KCNH7: variants seen among roughly 807,000 people sequenced by gnomAD.
The protein encoded by KCNH7 is voltage-gated inwardly rectifying potassium channel KCNH7.
Under a neutral mutation model 120.8 loss-of-function variants are expected in KCNH7, and 49 were observed. The observed-to-expected ratio is 0.41, with a 90% confidence interval of 0.32 to 0.51. The LOEUF is 0.51. Among genes scored for constraint, KCNH7 ranks in the 20% least tolerant of loss-of-function variants. KCNH7 has a pLI of 0.38. For missense variants in KCNH7, 1,097 were observed against 1,446.6 expected (o/e 0.76, Z 3.92); for synonymous variants, 547 against 516.1 (o/e 1.06, Z -0.81).
chr2:162,634,648 C>T (rs184187400), intron 2 of KCNH7, among the ~76,000 whole-genome samples: 5 of 152,004 alleles, frequency 3.3e-5, no homozygotes, highest in East Asian at 1.9e-4. Flanking sequence ...GGAATGTCTC[C>T]GCGGTTCCAG....
chr2:162,395,236 T>C, intron 11 of KCNH7, among the ~76,000 whole-genome samples: 1 of 151,818 alleles, frequency 6.6e-6, no homozygotes, highest in East Asian at 1.9e-4. Context: ...TGTTCTGAAT[T>C]CCCATGTTGT....
Position 162,487,595 on chromosome 2 carries a change from T to C in KCNH7, c.1128+16848A>G, listed in dbSNP as rs187124043. ...TTTGAATTTTAAAATCCTGTGAAGA[T>C]GAAATGCTTTTTAATGAACTCTTTA... On this transcript the variant is annotated intron_variant, in intron 6 of 15. Coordinates refer to ENST00000332142, the MANE Select transcript of KCNH7 (RefSeq NM_033272.4). Among the ~76,000 whole-genome samples the C allele has an allele frequency of 2.1e-4, 32 of 152,280 alleles. No homozygotes were observed. In the East Asian group the frequency reaches 6.0e-3, roughly 28 times the overall value.
intron 2 of KCNH7, among the ~76,000 whole-genome samples, chr2:162,789,657 C>A (rs867745452): frequency 6.6e-6 from 1 of 151,800 alleles, no homozygotes; most frequent in African/African-American, 2.4e-5. Context: ...TGTCTAGGAT[C>A]TTTCATGAAC....
At chr2:162,539,896 A>G (rs139083343) in intron 2 of KCNH7, among the ~76,000 whole-genome samples, 1,666 of 152,248 alleles carry the variant, frequency 0.011, 14 homozygotes, top group South Asian at 0.019. Flanking sequence ...AGAATAGAAT[A>G]TATTTTATAG....
intron 5 of KCNH7, among the ~76,000 whole-genome samples, chr2:162,511,862 T>A (rs1431917943): frequency 6.6e-6 from 1 of 151,686 alleles, no homozygotes; most frequent in African/African-American, 2.4e-5. Flanking sequence ...TAAGTCACAA[T>A]CACCATTTGC....
chr2:162,779,813 C>A (rs907080995), intron 2 of KCNH7, among the ~76,000 whole-genome samples: 12 of 152,106 alleles, frequency 7.9e-5, no homozygotes, highest in Non-Finnish European at 1.5e-4. Context: ...TTGTACATAA[C>A]CACTGGACAC....
chr2:162,829,161 G>A (rs371827960), intron 2 of KCNH7, among the ~76,000 whole-genome samples: 5 of 152,176 alleles, frequency 3.3e-5, no homozygotes, highest in East Asian at 1.9e-4. Context: ...GTAATAAGAC[G>A]TATTTCCTCA....
intron 2 of KCNH7, among the ~76,000 whole-genome samples, chr2:162,648,358 A>G (rs780760158): frequency 6.6e-6 from 1 of 152,170 alleles, no homozygotes; most frequent in Non-Finnish European, 1.5e-5. Context: ...CTATCATGAG[A>G]ACAGGAAAGG....
chr2:162,533,697 G>A (rs1320285133), intron 3 of KCNH7, among the ~76,000 whole-genome samples: 1 of 151,466 alleles, frequency 6.6e-6, no homozygotes, highest in Non-Finnish European at 1.5e-5. Context: ...GCAAGAGAGA[G>A]AATGAAAAAT....
intron 2 of KCNH7, among the ~76,000 whole-genome samples, chr2:162,563,547 G>A (rs1693146922): frequency 6.6e-6 from 1 of 152,084 alleles, no homozygotes; most frequent in Non-Finnish European, 1.5e-5. Context: ...ATCAGATAAA[G>A]AATGCCTTTG....
intron 2 of KCNH7, among the ~76,000 whole-genome samples, chr2:162,554,224 T>C (rs1314297663): frequency 6.6e-6 from 1 of 152,194 alleles, no homozygotes; most frequent in East Asian, 1.9e-4. Flanking sequence ...GACAACATAT[T>C]GGGCATGTTT....
intron 2 of KCNH7, among the ~76,000 whole-genome samples, chr2:162,789,247 G>T (rs1267406867): frequency 6.6e-6 from 1 of 151,916 alleles, no homozygotes; most frequent in Non-Finnish European, 1.5e-5. Context: ...GTGGTGTGTA[G>T]ATCATGTTTG....
chr2:162,568,795 T>A (rs185829296), intron 2 of KCNH7, among the ~76,000 whole-genome samples: 1 of 152,138 alleles, frequency 6.6e-6, no homozygotes, highest in Admixed American at 6.6e-5. Context: ...TTCATATTTT[T>A]TCTCAGATAT....
intron 2 of KCNH7, among the ~76,000 whole-genome samples, chr2:162,607,438 T>C (rs1447414762): frequency 6.6e-6 from 1 of 151,864 alleles, no homozygotes; most frequent in Non-Finnish European, 1.5e-5. Flanking sequence ...CTATGAATAG[T>C]GATTATTTGT....
chr2:162,400,897 A>C (rs1393884664), intron 9 of KCNH7, among the ~76,000 whole-genome samples: 1 of 151,928 alleles, frequency 6.6e-6, no homozygotes, highest in Non-Finnish European at 1.5e-5. Context: ...ATTAGTAAAA[A>C]TGTTGACCCT....
chr2:162,419,699 C>T (rs1322401265), intron 9 of KCNH7, among the ~76,000 whole-genome samples: 2 of 152,048 alleles, frequency 1.3e-5, no homozygotes, highest in African/African-American at 4.8e-5. Flanking sequence ...TTAGGAGTAG[C>T]CTCTGCCCTA....
Position 162,468,147 on chromosome 2 carries a change from G to A in KCNH7, c.1129-21704C>T, listed in dbSNP as rs564727727. Among the ~76,000 whole-genome samples, 8 of 152,194 alleles carry A rather than the reference G, an allele frequency of 5.3e-5. No homozygotes were observed. The South Asian group carries it at 6.2e-4, about 12-fold the overall frequency. On this transcript the variant is annotated intron_variant, in intron 6 of 15. Coordinates refer to ENST00000332142, the MANE Select transcript of KCNH7 (RefSeq NM_033272.4). ...ATCTGGGAGTAGTCATCCTGGCACT[G>A]GTGGGCTCAGCAGTGGCTCCACTTT...
rs774773189 is a variant in KCNH7 at position 162,750,749 on chromosome 2, T to G, written c.307+85788A>C. The stretch of plus-strand genomic sequence containing the variant: ...TTTAAATTGTGTTTGACAGGTTTTT[T>G]GGGTGCATGGAAGAATGTCTCACCT... On this transcript the variant is annotated intron_variant, in intron 2 of 15. Transcript: ENST00000332142. Among the ~76,000 whole-genome samples, 109 of 152,134 alleles carry G rather than the reference T, an allele frequency of 7.2e-4. 1 individual carries two copies. The highest frequency in any genetic ancestry group is 1.4e-3 in the Non-Finnish European group (97 of 67,998).
intron 2 of KCNH7, among the ~76,000 whole-genome samples, chr2:162,547,045 T>C (rs1043069580): frequency 1.3e-5 from 2 of 152,040 alleles, no homozygotes; most frequent in African/African-American, 4.8e-5. Context: ...TTCTGCATGG[T>C]TGGGGAGGCC....
Sources: allele counts gnomAD v4.1 joint callset (sites outside exome capture counted in the v4.1 genomes callset), GRCh38; gene constraint gnomAD v4.1.1; transcripts MANE v1.5; gene names NCBI Gene and HGNC (gene_info 2026-07-23, HGNC 2026-07-21).